TASP1: variants seen among roughly 807,000 people sequenced by gnomAD.
The protein encoded by TASP1 is taspase 1, also known as threonine aspartase 1.
Under a neutral mutation model 56.6 loss-of-function variants are expected in TASP1, and 16 were observed. The ratio of observed to expected loss-of-function variants is 0.28; its 90% CI spans 0.19 to 0.43. The LOEUF (loss-of-function observed/expected upper bound fraction) is 0.43, where lower values mean the gene tolerates loss of function less well. TASP1 is among the 20% of genes least tolerant of loss of function. The probability of loss-of-function intolerance (pLI) is 1.00; values close to 1 mark genes in which losing one functional copy is unlikely to be tolerated. For synonymous variants in TASP1, 179 were observed against 184.2 expected (o/e 0.97, Z 0.23); for missense variants, 393 against 511.6 (o/e 0.77, Z 2.24).
At chr20:13,261,514 C>T in the TASP1 span, among the ~76,000 whole-genome samples, 1 of 151,782 alleles carries the variant, frequency 6.6e-6, no homozygotes, top group African/African-American at 2.4e-5. Context: ...AATTTGTGGA[C>T]ATTTTTGCCA....
chr20:13,110,846 G>C, the TASP1 span, among the ~76,000 whole-genome samples: 7 of 152,228 alleles, frequency 4.6e-5, no homozygotes, highest in Admixed American at 3.3e-4. Flanking sequence ...GGCAAATTGA[G>C]GGGGATATCT....
chr20:13,395,337 T>C (rs1445227881), intron 13 of TASP1, among the ~76,000 whole-genome samples: 1 of 152,236 alleles, frequency 6.6e-6, no homozygotes, highest in African/African-American at 2.4e-5. Flanking sequence ...GACAAGTGTG[T>C]TCAGCTCAAT....
In TASP1 at chr20:13,608,786, G is replaced by C. The variant is rs145012805; in HGVS notation, c.282+14660C>G. 3.5e-3 allele frequency among the ~76,000 whole-genome samples: 540 copies of C among 152,318 alleles called. 3 individuals carry two copies. Among genetic ancestry groups the C allele is most frequent in the African/African-American group, 0.012 (509 of 41,564 alleles). On this transcript the variant is annotated intron_variant, in intron 4 of 13. Coordinates refer to ENST00000337743, the MANE Select transcript of TASP1 (RefSeq NM_017714.3). ...GCCAATCCTTGATCTAAACCACGGG[G>C]ATATAGCAGTGAACGAAACAGAAAA...
intron 7 of TASP1, among the ~76,000 whole-genome samples, chr20:13,562,428 C>A: frequency 6.7e-6 from 1 of 150,144 alleles, no homozygotes; most frequent in South Asian, 2.1e-4. Context: ...TAGATAATAC[C>A]AAAAAAATAG....
At chr20:13,347,960 C>T in the TASP1 span, among the ~76,000 whole-genome samples, 1 of 152,132 alleles carries the variant, frequency 6.6e-6, no homozygotes, top group African/African-American at 2.4e-5. Context: ...AATTCAGTCA[C>T]CTGAATTCAG....
the TASP1 span, among the ~76,000 whole-genome samples, chr20:13,379,919 C>T: frequency 2.6e-5 from 4 of 152,284 alleles, no homozygotes; most frequent in East Asian, 1.9e-4. Flanking sequence ...TTTTCAGCTC[C>T]ATCCGGTCAT....
the TASP1 span, among the ~76,000 whole-genome samples, chr20:13,273,146 C>A: frequency 6.6e-6 from 1 of 152,128 alleles, no homozygotes; most frequent in Non-Finnish European, 1.5e-5. Flanking sequence ...TTGGGATCCC[C>A]TTTCTGTCTT....
At chr20:13,440,041 G>A (rs1334981467) in intron 11 of TASP1, among the ~76,000 whole-genome samples, 1 of 152,080 alleles carries the variant, frequency 6.6e-6, no homozygotes, top group Non-Finnish European at 1.5e-5. Context: ...ACTTTCAAAT[G>A]GGAAGAAAAG....
At chr20:13,540,932 A>G (rs1360189450) in intron 8 of TASP1, among the ~76,000 whole-genome samples, 1 of 152,202 alleles carries the variant, frequency 6.6e-6, no homozygotes, top group African/African-American at 2.4e-5. Flanking sequence ...AAAACCAAAC[A>G]TTCAAAACAT....
chr20:13,185,789 T>C, the TASP1 span, among the ~76,000 whole-genome samples: 2 of 152,164 alleles, frequency 1.3e-5, no homozygotes, highest in African/African-American at 2.4e-5. Context: ...CTCATTTTTA[T>C]AGAAAAATAA....
the TASP1 span, among the ~76,000 whole-genome samples, chr20:13,248,984 G>C: frequency 6.6e-6 from 1 of 152,208 alleles, no homozygotes; most frequent in Non-Finnish European, 1.5e-5. Context: ...AGAAAAAGCT[G>C]TTTATCTTTA....
chr20:13,510,729 T>A (rs1396609851), intron 10 of TASP1, among the ~76,000 whole-genome samples: 1 of 152,212 alleles, frequency 6.6e-6, no homozygotes, highest in Non-Finnish European at 1.5e-5. Context: ...AGGCCCTGTT[T>A]GACCTCTCTG....
chr20:13,130,668 C>T, the TASP1 span, among the ~76,000 whole-genome samples: 6 of 152,216 alleles, frequency 3.9e-5, no homozygotes, highest in South Asian at 4.1e-4. Context: ...ATTCCATATG[C>T]ACCAAGACCC....
the TASP1 span, among the ~76,000 whole-genome samples, chr20:13,337,765 G>A: frequency 6.6e-6 from 1 of 152,292 alleles, no homozygotes; most frequent in East Asian, 1.9e-4. Context: ...TCGGTAACCA[G>A]AGGCCAGAAG....
At chr20:13,105,187 TC>T in the TASP1 span, among the ~76,000 whole-genome samples, 1 of 152,054 alleles carries the variant, frequency 6.6e-6, no homozygotes, top group Non-Finnish European at 1.5e-5. Flanking sequence ...GGGGCCAGAA[TC>T]CAGGCCGAGC....
the TASP1 span, among the ~76,000 whole-genome samples, chr20:13,169,576 G>A: frequency 2.0e-5 from 3 of 152,196 alleles, no homozygotes; most frequent in African/African-American, 7.2e-5. Context: ...CAGTAGAGGT[G>A]TGGGGCCAGG....
chr20:13,435,256 A>G (rs1186362061), intron 11 of TASP1, 102 bp from the exon 12 acceptor site: 25 of 860,196 alleles, frequency 2.9e-5, no homozygotes, highest in Non-Finnish European at 3.6e-6. Flanking sequence ...GAATAAGAAA[A>G]TGCCCATTTT....
chr20:13,307,314 A>G, the TASP1 span, among the ~76,000 whole-genome samples: 1 of 152,184 alleles, frequency 6.6e-6, no homozygotes, highest in Admixed American at 6.5e-5. Flanking sequence ...TACATTCAGA[A>G]AAGCACACAC....
chr20:13,603,504 C>T (rs1281616437), intron 4 of TASP1, among the ~76,000 whole-genome samples: 1 of 152,040 alleles, frequency 6.6e-6, no homozygotes, highest in African/African-American at 2.4e-5. Flanking sequence ...ATCATGCCAC[C>T]ACTCTCCAGC....
Sources: allele counts gnomAD v4.1 joint callset (sites outside exome capture counted in the v4.1 genomes callset), GRCh38; gene constraint gnomAD v4.1.1; transcripts MANE v1.5; gene names NCBI Gene and HGNC (gene_info 2026-07-23, HGNC 2026-07-21).